PALM2AKAP2: variants seen among roughly 807,000 people sequenced by gnomAD.
PALM2AKAP2 encodes PALM2-AKAP2 fusion protein.
PALM2AKAP2 carries 37 observed loss-of-function variants against 71.5 expected under a neutral mutation model. That is an observed-to-expected ratio of 0.52 (90% CI 0.40 to 0.68). PALM2AKAP2 has a LOEUF of 0.68. PALM2AKAP2 is among the 30% of genes least tolerant of loss of function. The probability of loss-of-function intolerance (pLI) is 0.00; values close to 1 mark genes in which losing one functional copy is unlikely to be tolerated. For synonymous variants in PALM2AKAP2, 468 were observed against 478.8 expected, an observed-to-expected ratio of 0.98 and a Z score of 0.29; for missense variants, 1,224 against 1,191.8, an observed-to-expected ratio of 1.03 and a Z score of -0.40.
intron 1 of PALM2AKAP2, among the ~76,000 whole-genome samples, chr9:109,794,288 G>A (rs1193397513): frequency 6.6e-6 from 1 of 151,962 alleles, no homozygotes; most frequent in Non-Finnish European, 1.5e-5. Context: ...CAGAAAATCT[G>A]ATCTCTTAGG....
At chr9:109,803,107 A>C (rs935860626) in intron 1 of PALM2AKAP2, among the ~76,000 whole-genome samples, 4 of 152,224 alleles carry the variant, frequency 2.6e-5, no homozygotes, top group Admixed American at 6.5e-5. Context: ...TTTGGGGAAA[A>C]AAAAAGAAAC....
intron 7 of PALM2AKAP2, among the ~76,000 whole-genome samples, chr9:110,040,543 T>G (rs553105779): frequency 1.8e-4 from 27 of 152,306 alleles, no homozygotes; most frequent in African/African-American, 6.5e-4. Flanking sequence ...ATCTCAAGAT[T>G]TGGTCTTTTT....
chr9:109,680,639 C>T (rs2418034), intron 1 of PALM2AKAP2, among the ~76,000 whole-genome samples: 29,850 of 152,006 alleles, frequency 0.2, 3,600 homozygotes, highest in African/African-American at 0.34. Flanking sequence ...CAAATCTGTG[C>T]TATTGTAAGG....
chr9:109,729,593 C>T (rs182360371), intron 1 of PALM2AKAP2, among the ~76,000 whole-genome samples: 14 of 152,306 alleles, frequency 9.2e-5, no homozygotes, highest in Admixed American at 9.1e-4. Context: ...CTTTCCCCAA[C>T]AGCCCCTTGG....
At chr9:109,841,116 C>A (rs1828649529) in intron 1 of PALM2AKAP2, among the ~76,000 whole-genome samples, 1 of 152,092 alleles carries the variant, frequency 6.6e-6, no homozygotes, top group African/African-American at 2.4e-5. Context: ...TGGAACCAAC[C>A]CAAAGTCCAT....
chr9:109,726,427 T>C (rs1449464261), intron 1 of PALM2AKAP2, among the ~76,000 whole-genome samples: 1 of 152,238 alleles, frequency 6.6e-6, no homozygotes, highest in Non-Finnish European at 1.5e-5. Flanking sequence ...GGTGGGGCTG[T>C]TGTGTTTCCT....
intron 3 of PALM2AKAP2, among the ~76,000 whole-genome samples, chr9:109,887,689 C>T (rs560544775): frequency 3.6e-4 from 55 of 151,650 alleles, no homozygotes; most frequent in Non-Finnish European, 6.3e-4. Flanking sequence ...CTTGCTGCCC[C>T]CCCCTAAAAA....
chr9:109,702,026 CA>C (rs1828068747), intron 1 of PALM2AKAP2, among the ~76,000 whole-genome samples: 1 of 152,216 alleles, frequency 6.6e-6, no homozygotes, highest in South Asian at 2.1e-4. Flanking sequence ...AAATGCAAAT[CA>C]AAACCACAAT....
intron 1 of PALM2AKAP2, among the ~76,000 whole-genome samples, chr9:109,733,891 C>T (rs1489198101): frequency 1.3e-5 from 2 of 152,198 alleles, no homozygotes; most frequent in African/African-American, 4.8e-5. Flanking sequence ...GTCAGAGTTA[C>T]ATTTCTTTTG....
intron 6 of PALM2AKAP2, among the ~76,000 whole-genome samples, chr9:110,000,793 T>C (rs534299657): frequency 3.6e-4 from 55 of 152,380 alleles, no homozygotes; most frequent in African/African-American, 1.3e-3. Context: ...ATGTGTCTTT[T>C]GGCTGCATAA....
intron 1 of PALM2AKAP2, among the ~76,000 whole-genome samples, chr9:109,667,918 G>T (rs1827513310): frequency 1.4e-5 from 2 of 139,378 alleles, no homozygotes; most frequent in Non-Finnish European, 3.1e-5. Flanking sequence ...CTTTGAAAAT[G>T]ATGGCTTTGG....
At chr9:110,151,652 C>A (rs1394666190) in intron 2 of PALM2AKAP2, among the ~76,000 whole-genome samples, 1 of 152,316 alleles carries the variant, frequency 6.6e-6, no homozygotes, top group Middle Eastern at 3.4e-3. Flanking sequence ...AAGCCACTTA[C>A]CCTCAAACTC....
intron 7 of PALM2AKAP2, among the ~76,000 whole-genome samples, chr9:110,038,964 G>C (rs950765674): frequency 8.3e-6 from 1 of 121,038 alleles, no homozygotes; most frequent in Non-Finnish European, 1.7e-5. Flanking sequence ...TATTGTCCTA[G>C]AAAACACTAA....
Position 109,989,265 on chromosome 9 carries a change from G to A in PALM2AKAP2, c.497-26689G>A, listed in dbSNP as rs867028301. Among the ~76,000 whole-genome samples, 11 of 152,196 alleles carry A rather than the reference G, an allele frequency of 7.2e-5. No individual in the cohort carries two copies. In the South Asian group the frequency reaches 1.2e-3, roughly 17 times the overall value. Reference sequence around the variant, plus strand: ...CCCTTCCCACCTTTATCTGAACATCGAAGTGTGCCATCCTGTTGTCTTGCC... The same window carrying A: ...CCCTTCCCACCTTTATCTGAACATCAAAGTGTGCCATCCTGTTGTCTTGCC... On this transcript the variant is annotated intron_variant, in intron 6 of 9. Coordinates refer to the PALM2AKAP2 transcript ENST00000302798.
At chr9:110,137,216 C>A (rs376308694) in exon 2 of PALM2AKAP2, 1 of 1,614,148 alleles carries the variant, frequency 6.2e-7, no homozygotes, top group East Asian at 2.2e-5. Context: ...CTCTGCTGCT[C>A]GCAAACAATT....
chr9:109,967,411 C>CTT (rs561453860), intron 6 of PALM2AKAP2, among the ~76,000 whole-genome samples: 3 of 141,996 alleles, frequency 2.1e-5, no homozygotes, highest in Admixed American at 7.1e-5. Context: ...GACTCCGTGT[C>CTT]TTTTTTTTTT....
chr9:109,769,442 T>C (rs1258281059), intron 1 of PALM2AKAP2, among the ~76,000 whole-genome samples: 3 of 152,208 alleles, frequency 2.0e-5, no homozygotes, highest in African/African-American at 7.2e-5. Context: ...TCCTTATTAA[T>C]GAAAAGCCTG....
At chr9:109,709,918 T>A (rs1293540734) in intron 1 of PALM2AKAP2, among the ~76,000 whole-genome samples, 2 of 152,172 alleles carry the variant, frequency 1.3e-5, no homozygotes, top group Non-Finnish European at 2.9e-5. Context: ...GGAAAAAGGA[T>A]CTTTGCAGAT....
intron 1 of PALM2AKAP2, among the ~76,000 whole-genome samples, chr9:109,651,243 T>C (rs10979982): frequency 0.079 from 11,959 of 152,248 alleles, 590 homozygotes; most frequent in Non-Finnish European, 0.11. Context: ...CTATGGTTTC[T>C]CTTCCTACAG....
Sources: allele counts gnomAD v4.1 joint callset (sites outside exome capture counted in the v4.1 genomes callset), GRCh38; gene constraint gnomAD v4.1.1; transcripts MANE v1.5; gene names NCBI Gene and HGNC (gene_info 2026-07-23, HGNC 2026-07-21).